SYN3: variants seen among roughly 807,000 people sequenced by gnomAD.
SYN3 encodes synapsin-3.
In SYN3, 35 loss-of-function variants were observed where a neutral mutation model predicts 65.8. The observed-to-expected ratio is 0.53, with a 90% CI of 0.41 to 0.70. The LOEUF (loss-of-function observed/expected upper bound fraction) is 0.70. Ranked by LOEUF, SYN3 falls within the 30% of genes least tolerant of loss-of-function variation. The pLI is 0.00. For synonymous variants in SYN3, 270 were observed against 292.9 expected (o/e 0.92, Z 0.80); for missense variants, 680 against 749.0 (o/e 0.91, Z 1.08).
chr22:32,947,699 G>A (rs2051155369), intron 3 of SYN3: 1 of 152,200 alleles, frequency 6.6e-6, no homozygotes, highest in Admixed American at 6.5e-5. Flanking sequence ...TGAAGATTTT[G>A]AGTGCCCTGT....
At chr22:32,537,951 C>A in intron 9 of SYN3, 85 bp downstream of exon 9, 1 of 1,100,230 alleles carries the variant, frequency 9.1e-7, no homozygotes, top group Non-Finnish European at 1.4e-6. Context: ...GGCGGAGTGG[C>A]CTTCTCTTCA....
chr22:32,984,607 G>GC lies in SYN3; in HGVS notation c.312-3906dup, dbSNP rs201306668. Among the ~76,000 whole-genome samples, 436 of 152,210 alleles carry GC rather than the reference G, an allele frequency of 2.9e-3. 4 individuals carry two copies. The highest frequency in any genetic ancestry group is 0.01 in the Middle Eastern group (3 of 294). On this transcript the variant is annotated intron_variant, in intron 2 of 13. Transcript: ENST00000358763. ...GGTACCCAGGGCATGGCCTAAGAGT[G>GC]CAATTTGTAGGGTCTTGGTGGGAAT... is the stretch of plus-strand genomic sequence containing the variant.
chr22:32,659,559 T>C (rs2060188644), intron 6 of SYN3, among the ~76,000 whole-genome samples: 2 of 152,210 alleles, frequency 1.3e-5, no homozygotes, highest in Non-Finnish European at 2.9e-5. Flanking sequence ...TTTCCTTGGA[T>C]TGCTAGACAT....
intron 6 of SYN3, among the ~76,000 whole-genome samples, chr22:32,597,204 CTTTTTTTTTTTTTTTT>C (rs6147592): frequency 4.6e-5 from 4 of 87,372 alleles, no homozygotes; most frequent in Non-Finnish European, 6.5e-5. Flanking sequence ...ACATTATTCT[CTTTTTTTTTTTTTTTT>C]TTTTTTTTTT....
At chr22:32,639,286 A>G (rs960949812) in intron 6 of SYN3, among the ~76,000 whole-genome samples, 1 of 152,090 alleles carries the variant, frequency 6.6e-6, no homozygotes, top group Non-Finnish European at 1.5e-5. Context: ...GGTGAAAGGT[A>G]GGAGTCCAGT....
chr22:32,928,721 C>A (rs1176449450), intron 4 of SYN3, among the ~76,000 whole-genome samples: 1 of 152,156 alleles, frequency 6.6e-6, no homozygotes, highest in Non-Finnish European at 1.5e-5. Context: ...CTTTCCAAAA[C>A]AATCATTTCT....
At chr22:32,897,084 T>C (rs1195390091) in intron 4 of SYN3, among the ~76,000 whole-genome samples, 1 of 152,132 alleles carries the variant, frequency 6.6e-6, no homozygotes, top group Admixed American at 6.5e-5. Context: ...AAAGTTACCG[T>C]CCCCTGGGGC....
At chr22:32,752,606 T>G (rs1337756073) in intron 6 of SYN3, among the ~76,000 whole-genome samples, 1 of 152,246 alleles carries the variant, frequency 6.6e-6, no homozygotes, top group Non-Finnish European at 1.5e-5. Flanking sequence ...GGGGCTCTGC[T>G]GTCCCTGTCC....
intron 3 of SYN3, among the ~76,000 whole-genome samples, chr22:32,949,015 T>C (rs1258498012): frequency 2.6e-5 from 4 of 152,114 alleles, no homozygotes; most frequent in Non-Finnish European, 5.9e-5. Flanking sequence ...GATTTTGAAA[T>C]ATTTGCAGTA....
rs2058174775 is a variant in SYN3 at position 32,536,898 on chromosome 22, C to A, written c.992+1138G>T. 2.0e-5 allele frequency among the ~76,000 whole-genome samples: 3 copies of A among 152,164 alleles called. No individual in the cohort carries two copies. In the South Asian group the frequency reaches 6.2e-4, roughly 32 times the overall value. On this transcript the variant is annotated intron_variant, in intron 9 of 13. Coordinates refer to ENST00000358763, the MANE Select transcript of SYN3 (RefSeq NM_003490.4). Reference sequence around the variant, plus strand: ...AGTAAATCCCCCTTTCTGCGCAAACCAATTTGGTTTGTGTGGTAGCCCTTG... The same window carrying A: ...AGTAAATCCCCCTTTCTGCGCAAACAAATTTGGTTTGTGTGGTAGCCCTTG...
intron 2 of SYN3, among the ~76,000 whole-genome samples, chr22:32,987,730 T>C (rs769460558): frequency 2.0e-5 from 3 of 152,176 alleles, no homozygotes; most frequent in Admixed American, 6.5e-5. Flanking sequence ...GGGCAGGATC[T>C]GATCACAATT....
intron 6 of SYN3, among the ~76,000 whole-genome samples, chr22:32,722,613 C>T (rs1047156404): frequency 3.9e-5 from 6 of 152,138 alleles, no homozygotes; most frequent in Admixed American, 6.5e-5. Context: ...AATTGGTGGC[C>T]GAGGCCAGTT....
chr22:32,792,750 T>C (rs531746491), intron 6 of SYN3, among the ~76,000 whole-genome samples: 171 of 152,332 alleles, frequency 1.1e-3, no homozygotes, highest in African/African-American at 4.0e-3. Flanking sequence ...GTAGGTACTA[T>C]GCTTTTCTCT....
At chr22:32,526,841 C>T (rs1569004496) in intron 12 of SYN3, among the ~76,000 whole-genome samples, 2 of 152,120 alleles carry the variant, frequency 1.3e-5, no homozygotes, top group African/African-American at 2.4e-5. Context: ...TTAAGAAGAT[C>T]CTTAAAAGAT....
At chr22:32,597,158 A>G (rs1234208600) in intron 6 of SYN3, among the ~76,000 whole-genome samples, 1 of 149,270 alleles carries the variant, frequency 6.7e-6, no homozygotes, top group Non-Finnish European at 1.5e-5. Flanking sequence ...CACTCAGTGA[A>G]TGGAAGCTTA....
chr22:32,939,895 A>G lies in SYN3; in HGVS notation c.370-8414T>C, dbSNP rs566051786. Among the ~76,000 whole-genome samples, 14 of 152,320 alleles carry G rather than the reference A, an allele frequency of 9.2e-5. No individual in the cohort carries two copies. The South Asian group carries it at 2.9e-3, about 32-fold the overall frequency. On this transcript the variant is annotated intron_variant, in intron 3 of 13. Transcript: ENST00000358763. ...CCTAGAAGTGGAATTGCTGGGTCAG[A>G]GGATAGGCATACAGGATTTAGAAGA...
intron 10 of SYN3, among the ~76,000 whole-genome samples, chr22:32,532,731 G>A (rs746848975): frequency 8.5e-5 from 13 of 152,114 alleles, no homozygotes; most frequent in Non-Finnish European, 1.2e-4. Flanking sequence ...CATGAGAGAC[G>A]GGAGGACCGG....
intron 6 of SYN3, among the ~76,000 whole-genome samples, chr22:32,736,888 G>A (rs529949905): frequency 1.1e-4 from 16 of 152,146 alleles, no homozygotes; most frequent in Admixed American, 4.6e-4. Context: ...TGAAGCCTGT[G>A]TATTCTTCAA....
intron 11 of SYN3, among the ~76,000 whole-genome samples, 163 bp from the exon 12 acceptor site, chr22:32,528,168 T>C (rs1352359213): frequency 6.6e-6 from 1 of 152,224 alleles, no homozygotes; most frequent in Non-Finnish European, 1.5e-5. Context: ...TATATGTGTA[T>C]ACGTCGGTGT....
Sources: gnomAD v4.1 joint callset for allele counts (sites outside exome capture counted in the v4.1 genomes callset) on GRCh38, gnomAD v4.1.1 for gene constraint, MANE v1.5 for transcripts, NCBI Gene and HGNC (gene_info 2026-07-23, HGNC 2026-07-21) for gene names.